The following TNRC18 variants were observed in gnomAD, a reference collection of about 807,000 sequenced individuals.
The protein encoded by TNRC18 is trinucleotide repeat containing 18.
A neutral mutation model predicts 226.7 loss-of-function variants in TNRC18; 69 were observed. The observed-to-expected ratio is 0.30, with a 90% CI of 0.25 to 0.37. TNRC18 has a LOEUF of 0.37. Ranked by LOEUF, TNRC18 falls within the 10% of genes least tolerant of loss-of-function variation. The pLI is 1.00. For synonymous variants in TNRC18, 2,449 were observed against 1,927.6 expected (o/e 1.27, Z -7.09); for missense variants, 4,754 against 4,256.6 (o/e 1.12, Z -3.25).
chr7:5,329,946 G>A, intron 19 of TNRC18: 1 of 471,068 alleles, frequency 2.1e-6, no homozygotes. Flanking sequence ...CCCAGTGTCT[G>A]CCTTTTGATA....
intron 27 of TNRC18, among the ~76,000 whole-genome samples, chr7:5,311,535 A>T (rs1339185179): frequency 2.6e-5 from 4 of 152,172 alleles, no homozygotes; most frequent in African/African-American, 9.7e-5. Context: ...CACACACAAC[A>T]GGCTGTCAGG....
At chr7:5,335,059 T>G (rs1789948565) in intron 18 of TNRC18, among the ~76,000 whole-genome samples, 1 of 151,496 alleles carries the variant, frequency 6.6e-6, no homozygotes, top group Non-Finnish European at 1.5e-5. Flanking sequence ...CCCAGCCCTT[T>G]GGGAGGTCAA....
At chr7:5,352,188 A>C in intron 16 of TNRC18, 94 bp from the exon 17 acceptor site, 1 of 1,333,848 alleles carries the variant, frequency 7.5e-7, no homozygotes, top group Non-Finnish European at 1.0e-6. Flanking sequence ...AACGTACTGG[A>C]AGGTGCCAGA....
At chr7:5,352,969 G>C (rs186586014) in intron 16 of TNRC18, among the ~76,000 whole-genome samples, 1 of 152,180 alleles carries the variant, frequency 6.6e-6, no homozygotes, top group Non-Finnish European at 1.5e-5. Context: ...TGCCACCTCC[G>C]AGTCCAAGAG....
At position 5,320,523 on chromosome 7, in the gene TNRC18, C is replaced by A. The variant is rs1474730727; in HGVS notation, c.6636+9G>T. 6.2e-6 allele frequency: 10 copies of A among 1,607,516 alleles called. No individual in the cohort carries two copies. The highest frequency in any genetic ancestry group is 8.5e-6 in the Non-Finnish European group (10 of 1,178,068). On this transcript the variant is annotated intron_variant, in intron 23 of 29. Transcript: ENST00000430969. ...CGAGCCTCCCGAGGCCCCGCCCCTC[C>A]CCCCTCACCGCCTCCTGCAGCAACT...
chr7:5,351,481 G>C (rs55755357), intron 17 of TNRC18, among the ~76,000 whole-genome samples: 6 of 151,608 alleles, frequency 4.0e-5, no homozygotes, highest in African/African-American at 1.5e-4. Flanking sequence ...ACGTGAGTGC[G>C]GGGGTGGGGG....
At position 5,351,932 on chromosome 7, in the gene TNRC18, C is replaced by CG. The variant is rs773635373; in HGVS notation, c.5356dup (p.Arg1786ProfsTer37). ...GGTGGCCGGCTTGGGTTTCAGAGTC[C>CG]GGGGGGCCGCCAGGCCCCTCTTGGT... is the stretch of plus-strand genomic sequence containing the variant. On this transcript the variant is annotated frameshift_variant, in exon 17 of 30. Transcript: ENST00000430969. LOFTEE classifies it high-confidence loss of function. 1 of 1,613,706 alleles carries CG rather than the reference C, an allele frequency of 6.2e-7. No homozygotes were observed. Among genetic ancestry groups the CG allele is most frequent in the Non-Finnish European group, 8.5e-7 (1 of 1,179,804 alleles).
chr7:5,369,472 C>G (rs1272662460), intron 11 of TNRC18, among the ~76,000 whole-genome samples: 1 of 152,156 alleles, frequency 6.6e-6, no homozygotes, highest in African/African-American at 2.4e-5. Flanking sequence ...TGAGCAGGCC[C>G]AGGGACCTGG....
At chr7:5,314,907 C>T in intron 26 of TNRC18, 77 bp downstream of exon 26, 1 of 1,454,976 alleles carries the variant, frequency 6.9e-7, no homozygotes, top group South Asian at 1.4e-5. Flanking sequence ...GGCACTTCGG[C>T]AGGTTCCCAA....
chr7:5,363,252 G>A (rs1035806496), intron 11 of TNRC18, among the ~76,000 whole-genome samples: 1 of 151,580 alleles, frequency 6.6e-6, no homozygotes, highest in Non-Finnish European at 1.5e-5. Context: ...GCAGTGAGCT[G>A]AGTTTGCACC....
chr7:5,406,283 T>C (rs929281076), intron 2 of TNRC18, among the ~76,000 whole-genome samples: 2 of 151,276 alleles, frequency 1.3e-5, no homozygotes, highest in African/African-American at 4.9e-5. Flanking sequence ...ACCAACATGG[T>C]GAAATCCCAT....
chr7:5,361,633 G>C lies in TNRC18; in HGVS notation c.4622C>G (p.Pro1541Arg), dbSNP rs555828083. 3.9e-6 allele frequency: 6 copies of C among 1,548,332 alleles called. No individual in the cohort carries two copies. Among genetic ancestry groups the C allele is most frequent in the Non-Finnish European group, 5.2e-6 (6 of 1,148,080 alleles). Reference sequence around the variant, plus strand: ...GCCGCTCTTCCCTCTCTTGCGGGGGGGCGACAGGGCGCTCGGGGCGTGGGT... The same window carrying C: ...GCCGCTCTTCCCTCTCTTGCGGGGGCGCGACAGGGCGCTCGGGGCGTGGGT... ...KRTHAPSALS[P>R]PRKRGKSGHS... Residue 1541 changes from proline (P) to arginine (R), a missense_variant, in exon 14 of 30, where the codon CCC becomes CGC. By Grantham distance (103) the Pro-to-Arg change is moderately radical. Transcript: ENST00000430969.
chr7:5,355,090 A>G (rs879595296), intron 16 of TNRC18, among the ~76,000 whole-genome samples: 2 of 152,162 alleles, frequency 1.3e-5, no homozygotes, highest in Admixed American at 6.5e-5. Context: ...TGACACTGAC[A>G]TGGGCCAGAA....
Position 5,370,514 on chromosome 7 carries a change from C to A in TNRC18, c.4080G>T (p.Pro1360=). ...ELPQARPLPS[P]GAAGAQALEK... ...CCAAGGCCTGGGCTCCAGCAGCACC[C>A]GGGGAGGGCAGAGGCCTGGCCTGGG... Residue 1360 remains proline, a synonymous_variant, in exon 11 of 30, where the codon CCG becomes CCT. Transcript: ENST00000430969. 3 of 1,598,364 alleles carry A rather than the reference C, an allele frequency of 1.9e-6. No homozygotes were observed. The highest frequency in any genetic ancestry group is 2.6e-6 in the Non-Finnish European group (3 of 1,172,734).
chr7:5,377,121 G>A lies in TNRC18; in HGVS notation c.2462-128C>T. On this transcript the variant is annotated intron_variant, in intron 7 of 29. Coordinates refer to ENST00000430969, the MANE Select transcript of TNRC18 (RefSeq NM_001080495.3). The surrounding 1 kb of genome is among the most constrained non-coding windows in gnomAD (Gnocchi z 5.8). ...GGGGCCTCCAGTGGGGAAGCCAAGGGACAGGGGTGCTGGCTGGCTGCAAAG... is the reference window on the plus strand; with the variant it reads ...GGGGCCTCCAGTGGGGAAGCCAAGGAACAGGGGTGCTGGCTGGCTGCAAAG... 1 of 1,364,600 alleles carries A rather than the reference G, an allele frequency of 7.3e-7. No homozygotes were observed. The highest frequency in any genetic ancestry group is 9.9e-7 in the Non-Finnish European group (1 of 1,011,116). The allele number at this position is 1,364,600 out of a possible 1,614,324, so 84.5% of individuals were successfully genotyped here.
At chr7:5,375,634 G>A (rs980617653) in intron 9 of TNRC18, among the ~76,000 whole-genome samples, 1 of 152,120 alleles carries the variant, frequency 6.6e-6, no homozygotes, top group Admixed American at 6.5e-5. Flanking sequence ...GAGGCAGCTG[G>A]CCAGGCCTCC....
chr7:5,332,622 C>A lies in TNRC18; in HGVS notation c.6147G>T (p.Lys2049Asn). ...GRAKDRKDPR[K>N]KKKGKEAGPG... The stretch of plus-strand genomic sequence containing the variant: ...CACCCCCTCCCAGCGCGGCCCCTAC[C>A]TTCCTGGGGTCCTTCCTGTCCTTTG... The change falls in exon 19 of 30, where the codon AAG (lysine) becomes AAT (asparagine). Residue 2049 changes from lysine to asparagine, a missense_variant and splice_region_variant. Transcript: ENST00000430969. 6.6e-7 allele frequency: 1 copy of A among 1,524,356 alleles called. No individual in the cohort carries two copies. The highest frequency in any genetic ancestry group is 2.1e-5 in the Admixed American group (1 of 46,950). 94.4% of individuals were successfully genotyped at this position (1,524,356 alleles called of 1,614,324 possible).
chr7:5,362,170 C>G, intron 12 of TNRC18, 137 bp from the exon 13 acceptor site: 1 of 1,069,596 alleles, frequency 9.3e-7, no homozygotes. Context: ...CTGCCACCTC[C>G]TGACTGTGGC....
intron 8 of TNRC18, among the ~76,000 whole-genome samples, chr7:5,376,585 G>A (rs536859403): frequency 2.4e-4 from 36 of 152,240 alleles, no homozygotes; most frequent in East Asian, 1.9e-3. Context: ...AGGCGGTGGC[G>A]CCAGGTAAGG....
Sources: allele counts gnomAD v4.1 joint callset (sites outside exome capture counted in the v4.1 genomes callset), GRCh38; gene constraint gnomAD v4.1.1; non-coding constraint Gnocchi (gnomAD v3.1); transcripts MANE v1.5; gene names NCBI Gene and HGNC (gene_info 2026-07-23, HGNC 2026-07-21).